The following GPR141 variants were observed in gnomAD, a reference collection of about 807,000 sequenced individuals.
GPR141 encodes G protein-coupled receptor 141.
GPR141 carries 6 observed loss-of-function variants against 6.8 expected under a neutral mutation model. The observed-to-expected ratio is 0.88, with a 90% CI of 0.48 to 1.74. The LOEUF (loss-of-function observed/expected upper bound fraction) is 1.74. Ranked by LOEUF, GPR141 falls within the 40% of genes most tolerant of loss-of-function variation. The pLI is 0.01. For synonymous variants in GPR141, 140 were observed against 142.3 expected (o/e 0.98, Z 0.11); for missense variants, 372 against 372.9 (o/e 1.00, Z 0.02).
At chr7:37,713,298 A>C (rs1810894882) in intron 2 of GPR141, 1 of 152,208 alleles carries the variant, frequency 6.6e-6, no homozygotes, top group East Asian at 1.9e-4. Context: ...AAATACCATT[A>C]GATTCTGATG....
intron 2 of GPR141, among the ~76,000 whole-genome samples, chr7:37,703,591 G>C (rs750560249): frequency 6.6e-6 from 1 of 152,144 alleles, no homozygotes; most frequent in Non-Finnish European, 1.5e-5. Flanking sequence ...CAAACTCTGG[G>C]TTGAAATGAT....
chr7:37,739,607 G>C (rs1812428971), intron 2 of GPR141, among the ~76,000 whole-genome samples: 1 of 152,168 alleles, frequency 6.6e-6, no homozygotes, highest in Non-Finnish European at 1.5e-5. Flanking sequence ...CAATGAATAA[G>C]AATATGGAGA....
chr7:37,697,581 G>A (rs1227151313), intron 2 of GPR141, among the ~76,000 whole-genome samples: 1 of 152,172 alleles, frequency 6.6e-6, no homozygotes, highest in African/African-American at 2.4e-5. Flanking sequence ...GAATGCTGTG[G>A]TGGTTTAGGA....
At position 37,691,287 on chromosome 7, in the gene GPR141, CCTTTTTTTT is replaced by C. The variant is rs1203590946; in HGVS notation, c.-15+5705_-15+5713del. Reference sequence around the variant, plus strand: ...TTTAACCTAGTTACCCAGTCTATATCCTTTTTTTTTTTTTTTTTTTTTTTTGAGACAGAG... The same window carrying C: ...TTTAACCTAGTTACCCAGTCTATATCTTTTTTTTTTTTTTTTGAGACAGAG... On this transcript the variant is annotated intron_variant, in intron 2 of 2. Transcript: ENST00000334425. Among the ~76,000 whole-genome samples the C allele has an allele frequency of 5.6e-4, 52 of 93,638 alleles. 2 individuals are homozygous for C. Among genetic ancestry groups the C allele is most frequent in the Middle Eastern group, 0.011 (1 of 94 alleles). 61.4% of individuals were successfully genotyped at this position (93,638 alleles called of 152,430 possible). A position where few individuals can be genotyped will look rare whatever the true frequency, so the allele number is the denominator to read the frequency against.
chr7:37,693,659 GAA>G (rs1268328356), intron 2 of GPR141, among the ~76,000 whole-genome samples: 3 of 152,142 alleles, frequency 2.0e-5, no homozygotes, highest in African/African-American at 7.2e-5. Flanking sequence ...AAGTACCCCA[GAA>G]TGGTGGGGCA....
At chr7:37,728,821 C>T (rs779063228) in intron 2 of GPR141, among the ~76,000 whole-genome samples, 2 of 152,120 alleles carry the variant, frequency 1.3e-5, no homozygotes, top group Admixed American at 6.5e-5. Flanking sequence ...CAGGATAGGG[C>T]AGAGGCTTGT....
intron 2 of GPR141, among the ~76,000 whole-genome samples, chr7:37,710,573 A>G (rs1430668997): frequency 1.3e-5 from 2 of 152,192 alleles, no homozygotes; most frequent in Admixed American, 6.5e-5. Context: ...ATATTTTTAC[A>G]GTTGATTTCT....
At chr7:37,718,706 A>G (rs930043472) in intron 2 of GPR141, among the ~76,000 whole-genome samples, 4 of 152,216 alleles carry the variant, frequency 2.6e-5, no homozygotes, top group African/African-American at 9.7e-5. Flanking sequence ...AAAGGAAACA[A>G]CATTTGCCCT....
intron 2 of GPR141, chr7:37,709,707 A>G (rs1810699279): frequency 6.6e-6 from 1 of 152,204 alleles, no homozygotes; most frequent in South Asian, 2.1e-4. Context: ...TGTCCACACA[A>G]CTTATTAAAG....
chr7:37,720,643 A>G (rs1193880029), intron 2 of GPR141, among the ~76,000 whole-genome samples: 1 of 150,640 alleles, frequency 6.6e-6, no homozygotes, highest in African/African-American at 2.4e-5. Context: ...CAGGAGGCTG[A>G]GGCAGGAGAA....
chr7:37,740,951 C>T lies in GPR141; in HGVS notation c.558C>T (p.Val186=). 1 of 1,613,930 alleles carries T rather than the reference C, an allele frequency of 6.2e-7. No individual in the cohort carries two copies. Among genetic ancestry groups the T allele is most frequent in the Non-Finnish European group, 8.5e-7 (1 of 1,179,840 alleles). ...TYVKIINYMI[V]IFVIAVAVIL... ...TGAAAATCATCAACTATATGATAGT[C>T]ATTTTTGTCATAGCCGTTGCTGTGA... Residue 186 remains valine, a synonymous_variant, in exon 3 of 3, where the codon GTC becomes GTT. Transcript: ENST00000334425.
rs115976104 is a variant in GPR141 at position 37,706,322 on chromosome 7, T to C, written c.-15+20739T>C. On this transcript the variant is annotated intron_variant, in intron 2 of 2. Coordinates refer to ENST00000334425, the MANE Select transcript of GPR141 (RefSeq NM_001381946.1). Reference sequence around the variant, plus strand: ...ACTTGGAGAGCATTTAAAAACCAGATTGAGAATCACTGGTTTGGGATAGAT... The same window carrying C: ...ACTTGGAGAGCATTTAAAAACCAGACTGAGAATCACTGGTTTGGGATAGAT... Among the ~76,000 whole-genome samples the C allele has an allele frequency of 4.5e-3, 680 of 152,300 alleles. 5 individuals carry two copies. The highest frequency in any genetic ancestry group is 0.015 in the African/African-American group (635 of 41,556).
intron 2 of GPR141, among the ~76,000 whole-genome samples, chr7:37,728,761 C>G (rs1024365543): frequency 3.3e-5 from 5 of 151,870 alleles, no homozygotes; most frequent in African/African-American, 1.2e-4. Flanking sequence ...TGAGATCAGA[C>G]CAGAATCACA....
At chr7:37,718,072 A>C (rs1811131788) in intron 2 of GPR141, among the ~76,000 whole-genome samples, 1 of 151,904 alleles carries the variant, frequency 6.6e-6, no homozygotes, top group Non-Finnish European at 1.5e-5. Flanking sequence ...AATTCAGCAA[A>C]TGTTCAGCAA....
chr7:37,688,454 A>ATAAG (rs1231558798), intron 2 of GPR141, among the ~76,000 whole-genome samples: 1 of 152,152 alleles, frequency 6.6e-6, no homozygotes, highest in Non-Finnish European at 1.5e-5. Context: ...AAATAAATAA[A>ATAAG]TAAATAAAAT....
At chr7:37,738,901 A>C (rs1583582259) in intron 2 of GPR141, among the ~76,000 whole-genome samples, 1 of 152,150 alleles carries the variant, frequency 6.6e-6, no homozygotes, top group Non-Finnish European at 1.5e-5. Context: ...CCTTTTATTT[A>C]GTAATGTTTC....
At chr7:37,724,840 G>A (rs1212711202) in intron 2 of GPR141, among the ~76,000 whole-genome samples, 2 of 152,154 alleles carry the variant, frequency 1.3e-5, no homozygotes, top group Non-Finnish European at 2.9e-5. Context: ...TATGGGGCTG[G>A]ACTTAAAGCA....
chr7:37,725,975 A>AT (rs1811607669), intron 2 of GPR141, among the ~76,000 whole-genome samples: 1 of 151,944 alleles, frequency 6.6e-6, no homozygotes. Context: ...AGTTATATTC[A>AT]TTTTTATTTC....
Position 37,740,574 on chromosome 7 carries a change from G to T in GPR141, c.181G>T (p.Val61Phe), listed in dbSNP as rs1230090119. 6.2e-7 allele frequency: 1 copy of T among 1,614,042 alleles called. No individual in the cohort carries two copies. Among genetic ancestry groups the T allele is most frequent in the Admixed American group, 1.7e-5 (1 of 59,992 alleles). The change falls in exon 3 of 3, where the codon GTC becomes TTC. Residue 61 changes from valine (V) to phenylalanine (F), a missense_variant. Physicochemically the swap from Val to Phe is conservative, Grantham distance 50. Transcript: ENST00000334425. ...TTMAVINLVV[V>F]HSVFLLTVPF... is the part of the protein sequence containing the mutation. ...CATGGCGGTCATTAACTTGGTGGTG[G>T]TCCACAGCGTTTTTCTGCTGACAGT...
Sources: gnomAD v4.1 joint callset for allele counts (sites outside exome capture counted in the v4.1 genomes callset) on GRCh38, gnomAD v4.1.1 for gene constraint, MANE v1.5 for transcripts, NCBI Gene and HGNC (gene_info 2026-07-23, HGNC 2026-07-21) for gene names.